The following MTMR12 variants were observed in gnomAD, a reference collection of about 807,000 sequenced individuals.
MTMR12 encodes the protein myotubularin-related protein 12.
Under a neutral mutation model 96.7 loss-of-function variants are expected in MTMR12, and 33 were observed. That is an observed-to-expected ratio of 0.34 (90% CI 0.26 to 0.46). The LOEUF (loss-of-function observed/expected upper bound fraction) is 0.46, where lower values mean the gene tolerates loss of function less well. MTMR12 is among the 20% of genes least tolerant of loss of function. The probability of loss-of-function intolerance (pLI) is 1.00; values close to 1 mark genes in which losing one functional copy is unlikely to be tolerated. For missense variants in MTMR12, 721 were observed against 896.1 expected, an observed-to-expected ratio of 0.80 and a Z score of 2.49; for synonymous variants, 298 against 327.2, an observed-to-expected ratio of 0.91 and a Z score of 0.96.
At chr5:32,286,549 C>T (rs1421130122) in intron 1 of MTMR12, among the ~76,000 whole-genome samples, 2 of 151,870 alleles carry the variant, frequency 1.3e-5, no homozygotes, top group Non-Finnish European at 2.9e-5. Flanking sequence ...CTTTTGCCCT[C>T]ACGAAATTCA....
intron 15 of MTMR12, among the ~76,000 whole-genome samples, chr5:32,231,381 C>CAAAAAAAA (rs548654471): frequency 0.029 from 1,372 of 47,036 alleles, 84 homozygotes; most frequent in African/African-American, 0.095. Flanking sequence ...CTCTGGCTCG[C>CAAAAAAAA]AAAAAAAAAA....
At chr5:32,282,832 C>G (rs1750359547) in intron 1 of MTMR12, among the ~76,000 whole-genome samples, 1 of 152,192 alleles carries the variant, frequency 6.6e-6, no homozygotes, top group Admixed American at 6.5e-5. Flanking sequence ...CTCTTCATCC[C>G]TATATTTCAC....
chr5:32,254,908 C>G (rs1034093048), intron 8 of MTMR12, among the ~76,000 whole-genome samples: 1 of 152,180 alleles, frequency 6.6e-6, no homozygotes, highest in Non-Finnish European at 1.5e-5. Context: ...CCTGAAAAAT[C>G]AGGACATCTG....
chr5:32,233,222 T>C lies in MTMR12; in HGVS notation c.1674+551A>G, dbSNP rs1748069332. On this transcript the variant is annotated intron_variant, in intron 15 of 15. Transcript: ENST00000382142. This position sits in a 1 kb window ranked among gnomAD's most constrained non-coding sequence, Gnocchi z 5.0. ...ACCTACTAAGGCTCCTTTTTTTTTT[T>C]TCAAGTAAAGGAATAAAGAATGGCT... Among the ~76,000 whole-genome samples the C allele has an allele frequency of 6.6e-6, 1 of 151,996 alleles. No individual in the cohort carries two copies. The highest frequency in any genetic ancestry group is 2.4e-5 in the African/African-American group (1 of 41,350).
chr5:32,260,844 C>T (rs749332054), intron 7 of MTMR12, among the ~76,000 whole-genome samples: 4 of 151,720 alleles, frequency 2.6e-5, no homozygotes, highest in Non-Finnish European at 5.9e-5. Flanking sequence ...TACAAAAATA[C>T]AAAGTTGTAT....
chr5:32,228,006 A>G lies in MTMR12; in HGVS notation c.*1772T>C, dbSNP rs1747796968. 1 of 152,474 alleles carries G rather than the reference A, an allele frequency of 6.6e-6. No homozygotes were observed. Among genetic ancestry groups the G allele is most frequent in the Non-Finnish European group, 1.5e-5 (1 of 68,050 alleles). The allele number at this position is 152,474 out of a possible 1,614,324, so 9.4% of individuals were successfully genotyped here. On this transcript the variant is annotated 3_prime_UTR_variant, in exon 16 of 16. Transcript: ENST00000382142. ...AAACTTCTCTTAGTCAATAGTTTCC[A>G]ATTTTCTGAGACGAGGTCTTGCTCC...
intron 1 of MTMR12, among the ~76,000 whole-genome samples, chr5:32,286,519 C>CA (rs1373403332): frequency 0.048 from 6,271 of 130,998 alleles, 163 homozygotes; most frequent in African/African-American, 0.075. Context: ...GACCCTGTCT[C>CA]AAAAAAAAAA....
rs1472545636 is a variant in MTMR12 at position 32,247,996 on chromosome 5, T to C, written c.1021+6A>G. 3 of 1,613,176 alleles carry C rather than the reference T, an allele frequency of 1.9e-6. No homozygotes were observed. The highest frequency in any genetic ancestry group is 3.3e-5 in the Admixed American group (2 of 59,926). On this transcript the variant is annotated splice_donor_region_variant and intron_variant, in intron 10 of 15. Transcript: ENST00000382142. ...CACAAAAGTTTTTGCTCAGTATTCT[T>C]CTCACCTATCAGAAATAGCTGTTTA...
At chr5:32,270,144 G>T (rs1749776137) in intron 5 of MTMR12, among the ~76,000 whole-genome samples, 1 of 151,872 alleles carries the variant, frequency 6.6e-6, no homozygotes, top group Non-Finnish European at 1.5e-5. Context: ...CAATATCTTA[G>T]TAAGAGAAAT....
intron 1 of MTMR12, among the ~76,000 whole-genome samples, chr5:32,292,190 T>C (rs1484061334): frequency 6.6e-6 from 1 of 152,134 alleles, no homozygotes; most frequent in Admixed American, 6.5e-5. Context: ...GTGACAATAA[T>C]TTGCAGGGCT....
intron 2 of MTMR12, 61 bp downstream of exon 2, chr5:32,276,621 T>C: frequency 7.3e-7 from 1 of 1,372,298 alleles, no homozygotes; most frequent in Non-Finnish European, 1.0e-6. Context: ...AGGCTAGGGA[T>C]GATGTAATTT....
intron 12 of MTMR12, among the ~76,000 whole-genome samples, chr5:32,241,372 G>A (rs1003050393): frequency 2.0e-4 from 30 of 152,304 alleles, no homozygotes; most frequent in African/African-American, 4.6e-4. Flanking sequence ...TTTCCAGGCT[G>A]CCCTTAGAAC....
chr5:32,244,220 A>C (rs1748585120), intron 10 of MTMR12, among the ~76,000 whole-genome samples: 1 of 151,432 alleles, frequency 6.6e-6, no homozygotes, highest in South Asian at 2.1e-4. Context: ...TTGAGGCTGC[A>C]GTGAGCTATG....
chr5:32,280,598 G>A (rs1750253809), intron 1 of MTMR12, among the ~76,000 whole-genome samples: 1 of 152,100 alleles, frequency 6.6e-6, no homozygotes, highest in South Asian at 2.1e-4. Context: ...TTTTTATACA[G>A]CATAGTACTA....
chr5:32,305,773 C>T (rs1406375196), intron 1 of MTMR12, among the ~76,000 whole-genome samples: 1 of 152,060 alleles, frequency 6.6e-6, no homozygotes, highest in Non-Finnish European at 1.5e-5. Flanking sequence ...TGTAGTGGTG[C>T]ATGCCTCTAA....
intron 1 of MTMR12, among the ~76,000 whole-genome samples, chr5:32,311,065 A>T (rs1380656022): frequency 1.3e-5 from 2 of 152,126 alleles, no homozygotes; most frequent in Admixed American, 1.3e-4. Context: ...CATGTTGGCC[A>T]GGCTGGTCTC....
chr5:32,235,529 CT>C (rs1748193055), intron 13 of MTMR12, among the ~76,000 whole-genome samples: 1 of 152,042 alleles, frequency 6.6e-6, no homozygotes, highest in Admixed American at 6.6e-5. Flanking sequence ...ATTATGAGTG[CT>C]ACTTTGAATT....
At position 32,227,308 on chromosome 5, in the gene MTMR12, C is replaced by T. The variant is rs1027447550; in HGVS notation, c.*2470G>A. ...TCTCATTTCAGCTCTCACTGTTAAG[C>T]ATAATCCACATCCCAATCTCAGATA... On this transcript the variant is annotated 3_prime_UTR_variant, in exon 16 of 16. Coordinates refer to ENST00000382142, the MANE Select transcript of MTMR12 (RefSeq NM_001040446.3). The T allele has an allele frequency of 6.6e-6, 1 of 152,636 alleles. No individual in the cohort carries two copies. The highest frequency in any genetic ancestry group is 1.5e-5 in the Non-Finnish European group (1 of 68,030). The allele number at this position is 152,636 out of a possible 1,614,324, so 9.5% of individuals were successfully genotyped here.
chr5:32,300,142 T>C (rs940002273), intron 1 of MTMR12, among the ~76,000 whole-genome samples: 1 of 152,218 alleles, frequency 6.6e-6, no homozygotes, highest in African/African-American at 2.4e-5. Flanking sequence ...CTAATTTTAA[T>C]AGTGCTTAGC....
Sources: allele counts gnomAD v4.1 joint callset (sites outside exome capture counted in the v4.1 genomes callset), GRCh38; gene constraint gnomAD v4.1.1; non-coding constraint Gnocchi (gnomAD v3.1); transcripts MANE v1.5; gene names NCBI Gene and HGNC (gene_info 2026-07-23, HGNC 2026-07-21).